The following PARD3 variants were observed in gnomAD, a reference collection of about 807,000 sequenced individuals.
The protein encoded by PARD3 is par-3 family cell polarity regulator.
In PARD3, 75 loss-of-function variants were observed where a neutral mutation model predicts 155.4. The observed-to-expected ratio is 0.48, with a 90% CI of 0.40 to 0.58. The LOEUF (loss-of-function observed/expected upper bound fraction) is 0.58, where lower values mean the gene tolerates loss of function less well. Ranked by LOEUF, PARD3 falls within the 20% of genes least tolerant of loss-of-function variation. PARD3 has a pLI of 0.00. For missense variants in PARD3, 1,642 were observed against 1,721.7 expected (o/e 0.95, Z 0.82); for synonymous variants, 576 against 610.5 (o/e 0.94, Z 0.83).
At chr10:34,511,920 C>T (rs1396816757) in intron 3 of PARD3, among the ~76,000 whole-genome samples, 2 of 152,082 alleles carry the variant, frequency 1.3e-5, no homozygotes, top group Non-Finnish European at 1.5e-5. Flanking sequence ...GAGACAAGGT[C>T]CTTTATAAAT....
intron 1 of PARD3, among the ~76,000 whole-genome samples, chr10:34,720,161 G>A (rs891850244): frequency 2.0e-5 from 3 of 152,206 alleles, no homozygotes; most frequent in South Asian, 2.1e-4. Flanking sequence ...AAACGGGCAC[G>A]GCGGCTCATG....
chr10:34,167,295 T>A (rs191103283), intron 22 of PARD3, among the ~76,000 whole-genome samples: 2 of 152,326 alleles, frequency 1.3e-5, no homozygotes, highest in East Asian at 3.9e-4. Context: ...ACTGTGAACA[T>A]CAACCATCGT....
At chr10:34,168,214 T>C (rs1459410947) in intron 22 of PARD3, among the ~76,000 whole-genome samples, 2 of 152,178 alleles carry the variant, frequency 1.3e-5, no homozygotes, top group South Asian at 2.1e-4. Context: ...ATGTTAATAA[T>C]TTAATATATG....
chr10:34,116,341 A>C lies in PARD3; in HGVS notation c.3668+3272T>G, dbSNP rs190491411. On this transcript the variant is annotated intron_variant, in intron 24 of 24. Coordinates refer to ENST00000374788, the MANE Select transcript of PARD3 (RefSeq NM_001184785.2). ...GTAACTATACTTTTTTTCTGTGTGT[A>C]ATCTTTTTGGTTTCTAATGCCATAC... Among the ~76,000 whole-genome samples the C allele has an allele frequency of 9.1e-4, 139 of 152,306 alleles. No homozygotes were observed. The Middle Eastern group carries it at 0.017, about 19-fold the overall frequency.
chr10:34,146,997 A>C (rs1033126690), intron 22 of PARD3, among the ~76,000 whole-genome samples: 1 of 152,166 alleles, frequency 6.6e-6, no homozygotes, highest in African/African-American at 2.4e-5. Context: ...AGGTTTACTG[A>C]AAGCCTTTTT....
chr10:34,712,596 G>T (rs1354759649), intron 1 of PARD3, among the ~76,000 whole-genome samples: 3 of 152,192 alleles, frequency 2.0e-5, no homozygotes, highest in African/African-American at 7.2e-5. Flanking sequence ...CTTAGGCTCA[G>T]ACGCTAACCT....
intron 5 of PARD3, among the ~76,000 whole-genome samples, chr10:34,424,997 G>T (rs1364521547): frequency 6.6e-6 from 1 of 152,026 alleles, no homozygotes; most frequent in Non-Finnish European, 1.5e-5. Context: ...GAAACCTGGG[G>T]CGTGTCCCTC....
At chr10:34,240,748 T>TCCC (rs1953531160) in intron 22 of PARD3, among the ~76,000 whole-genome samples, 1 of 151,422 alleles carries the variant, frequency 6.6e-6, no homozygotes, top group Non-Finnish European at 1.5e-5. Context: ...TTCCCCAACC[T>TCCC]CCCCCTTCCT....
At chr10:34,769,799 CAAAACAA>C (rs1838621627) in intron 1 of PARD3, among the ~76,000 whole-genome samples, 1 of 66,640 alleles carries the variant, frequency 1.5e-5, no homozygotes, top group East Asian at 2.7e-4. Flanking sequence ...AACAAAAAAA[CAAAACAA>C]AAAAAAAAAC....
intron 2 of PARD3, among the ~76,000 whole-genome samples, chr10:34,636,509 C>T (rs944296718): frequency 5.9e-5 from 9 of 152,224 alleles, no homozygotes; most frequent in Non-Finnish European, 1.3e-4. Flanking sequence ...TGAACCCAGA[C>T]AGTTACCGCA....
intron 2 of PARD3, among the ~76,000 whole-genome samples, chr10:34,546,562 G>A (rs946560090): frequency 5.3e-5 from 8 of 150,530 alleles, no homozygotes; most frequent in Non-Finnish European, 1.2e-4. Context: ...TTTGAGACCC[G>A]AGTCTCACTG....
At chr10:34,235,867 A>T (rs537812352) in intron 22 of PARD3, among the ~76,000 whole-genome samples, 1 of 152,332 alleles carries the variant, frequency 6.6e-6, no homozygotes, top group East Asian at 1.9e-4. Flanking sequence ...TGCATTTTCC[A>T]GCTGAAATGT....
rs149545351 is a variant in PARD3, at chr10:34,277,524, T to C, written c.3176+6611A>G. The stretch of plus-strand genomic sequence containing the variant: ...TATCTTTGTCATATTAGGGTAAAAG[T>C]TGATTGAGAAGAAAGGACTTCCATA... On this transcript the variant is annotated intron_variant, in intron 21 of 24. Transcript: ENST00000374788. Among the ~76,000 whole-genome samples, 1,437 of 152,244 alleles carry C rather than the reference T, an allele frequency of 9.4e-3. 25 individuals carry two copies. Among genetic ancestry groups the C allele is most frequent in the African/African-American group, 0.032 (1,344 of 41,540 alleles).
At chr10:34,317,946 A>C (rs1958113579) in intron 19 of PARD3, among the ~76,000 whole-genome samples, 1 of 152,174 alleles carries the variant, frequency 6.6e-6, no homozygotes, top group African/African-American at 2.4e-5. Flanking sequence ...CCAACATCAG[A>C]AGTAAATGCT....
At chr10:34,806,333 T>C (rs1463815092) in intron 1 of PARD3, among the ~76,000 whole-genome samples, 2 of 151,888 alleles carry the variant, frequency 1.3e-5, no homozygotes, top group Non-Finnish European at 2.9e-5. Context: ...GTAGCTGTGA[T>C]TATAGGTGTG....
chr10:34,581,893 G>C (rs572778770), intron 2 of PARD3, among the ~76,000 whole-genome samples: 1 of 152,286 alleles, frequency 6.6e-6, no homozygotes, highest in Admixed American at 6.5e-5. Flanking sequence ...TATTTAACAT[G>C]CTTGACAACT....
intron 22 of PARD3, among the ~76,000 whole-genome samples, chr10:34,210,975 C>A (rs1247514304): frequency 6.6e-6 from 1 of 152,120 alleles, no homozygotes; most frequent in African/African-American, 2.4e-5. Context: ...GGACAGGTGA[C>A]ATGTTTATGG....
At chr10:34,322,427 G>T (rs967553338) in intron 19 of PARD3, among the ~76,000 whole-genome samples, 2 of 152,122 alleles carry the variant, frequency 1.3e-5, no homozygotes, top group Non-Finnish European at 2.9e-5. Flanking sequence ...TGTTTGAGTT[G>T]GTCTGAGTTG....
rs71523316 is a variant in PARD3 at position 34,125,071 on chromosome 10, C to CTTTTTTTTTTTTT, written c.3541-5344_3541-5332dup. Among the ~76,000 whole-genome samples, 1,306 of 140,326 alleles carry CTTTTTTTTTTTTT rather than the reference C, an allele frequency of 9.3e-3. 59 individuals are homozygous for CTTTTTTTTTTTTT. The highest frequency in any genetic ancestry group is 0.034 in the African/African-American group (1,199 of 35,638). The allele number at this position is 140,326 out of a possible 152,430, so 92.1% of individuals were successfully genotyped here. On this transcript the variant is annotated intron_variant, in intron 23 of 24. Coordinates refer to ENST00000374788, the MANE Select transcript of PARD3 (RefSeq NM_001184785.2). ...GGCTTATCTCCAGGTCTATTTCTTT[C>CTTTTTTTTTTTTT]TTTTTTTTTTTTTGAGACGGAGTCT...
Sources: gnomAD v4.1 joint callset for allele counts (sites outside exome capture counted in the v4.1 genomes callset) on GRCh38, gnomAD v4.1.1 for gene constraint, MANE v1.5 for transcripts, NCBI Gene and HGNC (gene_info 2026-07-23, HGNC 2026-07-21) for gene names.